Variants in NRXN1 observed in about 807,000 individuals in gnomAD.
NRXN1 encodes the protein neurexin 1, also known as neurexin-1.
A neutral mutation model predicts 150.9 loss-of-function variants in NRXN1; 39 were observed. That is an observed-to-expected ratio of 0.26 (90% CI 0.20 to 0.34). The LOEUF (loss-of-function observed/expected upper bound fraction) is 0.34, where lower values mean the gene tolerates loss of function less well. Ranked by LOEUF, NRXN1 falls within the 10% of genes least tolerant of loss-of-function variation. NRXN1 has a pLI of 1.00. For synonymous variants in NRXN1, 924 were observed against 757.0 expected (o/e 1.22, Z -3.62); for missense variants, 1,815 against 1,949.9 (o/e 0.93, Z 1.30).
At chr2:50,972,825 C>G (rs868852434) in intron 2 of NRXN1, among the ~76,000 whole-genome samples, 1 of 152,128 alleles carries the variant, frequency 6.6e-6, no homozygotes, top group Non-Finnish European at 1.5e-5. Context: ...CAATGGGGAG[C>G]GGCTGTAAAT....
chr2:50,621,137 T>C (rs1679939888), intron 7 of NRXN1, 89 bp downstream of exon 7: 2 of 1,181,224 alleles, frequency 1.7e-6, no homozygotes, highest in Non-Finnish European at 1.2e-6. Flanking sequence ...TAATGATGTC[T>C]ACAGTTAAAA....
At chr2:49,961,279 C>G (rs1439131887) in intron 21 of NRXN1, among the ~76,000 whole-genome samples, 1 of 151,656 alleles carries the variant, frequency 6.6e-6, no homozygotes, top group Non-Finnish European at 1.5e-5. Context: ...CGCATTGTTG[C>G]TTTAACTTTG....
intron 2 of NRXN1, among the ~76,000 whole-genome samples, chr2:50,992,323 C>T (rs890541577): frequency 6.6e-6 from 1 of 151,940 alleles, no homozygotes; most frequent in African/African-American, 2.4e-5. Context: ...TAACCTTGTC[C>T]AAGGTCATAC....
At chr2:50,706,880 A>T (rs947101674) in intron 5 of NRXN1, among the ~76,000 whole-genome samples, 2 of 150,736 alleles carry the variant, frequency 1.3e-5, no homozygotes, top group Non-Finnish European at 2.9e-5. Context: ...TTGACAATTT[A>T]TCCTTCATTG....
intron 17 of NRXN1, among the ~76,000 whole-genome samples, chr2:50,269,963 G>A (rs1012252835): frequency 7.9e-5 from 12 of 152,008 alleles, no homozygotes; most frequent in African/African-American, 2.9e-4. Flanking sequence ...AGCACATTCT[G>A]TTAAAACAAA....
intron 5 of NRXN1, among the ~76,000 whole-genome samples, chr2:50,771,694 G>A (rs958756505): frequency 2.6e-5 from 4 of 152,096 alleles, no homozygotes; most frequent in Admixed American, 1.3e-4. Context: ...GGCATTTTCC[G>A]TGAAGGAAGT....
intron 8 of NRXN1, among the ~76,000 whole-genome samples, chr2:50,613,818 G>A (rs2104132144): frequency 6.6e-6 from 1 of 152,172 alleles, no homozygotes; most frequent in South Asian, 2.1e-4. Context: ...GGCACTTGTA[G>A]TCCCAGCTAC....
chr2:51,011,062 C>T (rs746101252), intron 2 of NRXN1, among the ~76,000 whole-genome samples: 1 of 152,036 alleles, frequency 6.6e-6, no homozygotes, highest in Non-Finnish European at 1.5e-5. Flanking sequence ...GAATGAGCCA[C>T]CCTGCCCAGC....
chr2:50,589,203 G>A (rs1673699566), intron 8 of NRXN1: 1 of 152,434 alleles, frequency 6.6e-6, no homozygotes, highest in Non-Finnish European at 1.5e-5. Context: ...AGGAGGAGTA[G>A]GACTGCTGTG....
chr2:51,021,283 C>T (rs1193421847), intron 2 of NRXN1, among the ~76,000 whole-genome samples: 2 of 151,882 alleles, frequency 1.3e-5, no homozygotes, highest in East Asian at 3.9e-4. Context: ...ACCTGAATAT[C>T]TATTGTAAGG....
chr2:50,913,026 C>A (rs892636732), intron 5 of NRXN1: 2 of 151,788 alleles, frequency 1.3e-5, no homozygotes, highest in African/African-American at 4.8e-5. Context: ...ACTGAAAGTA[C>A]CGATGGGTCA....
chr2:50,177,242 C>G (rs2060410376), intron 18 of NRXN1, among the ~76,000 whole-genome samples: 1 of 152,092 alleles, frequency 6.6e-6, no homozygotes, highest in East Asian at 1.9e-4. Flanking sequence ...TTTTTCAACT[C>G]TCATTCCCCT....
intron 5 of NRXN1, among the ~76,000 whole-genome samples, chr2:50,810,557 T>C (rs1668075723): frequency 6.6e-6 from 1 of 152,160 alleles, no homozygotes; most frequent in Admixed American, 6.5e-5. Context: ...AGTAGCATTA[T>C]TAGGAGAAAT....
chr2:50,848,959 C>T (rs1674106969), intron 5 of NRXN1, among the ~76,000 whole-genome samples: 1 of 152,144 alleles, frequency 6.6e-6, no homozygotes, highest in South Asian at 2.1e-4. Flanking sequence ...CCAGGCGATT[C>T]CCCACATACA....
intron 21 of NRXN1, among the ~76,000 whole-genome samples, chr2:49,963,444 G>C (rs1170019001): frequency 6.6e-6 from 1 of 152,192 alleles, no homozygotes; most frequent in African/African-American, 2.4e-5. Context: ...GAAAAGCTAA[G>C]AAAAGAGTTC....
At chr2:50,445,719 G>C (rs2086342705) in intron 17 of NRXN1, among the ~76,000 whole-genome samples, 1 of 152,190 alleles carries the variant, frequency 6.6e-6, no homozygotes, top group Non-Finnish European at 1.5e-5. Flanking sequence ...CTTAAGCAAT[G>C]ACATATGAAA....
At chr2:50,409,353 C>CAAAAA (rs1340428333) in intron 17 of NRXN1, among the ~76,000 whole-genome samples, 1 of 152,090 alleles carries the variant, frequency 6.6e-6, no homozygotes, top group Non-Finnish European at 1.5e-5. Flanking sequence ...ATAAAGAAAA[C>CAAAAA]AAAACAAAAC....
intron 18 of NRXN1, among the ~76,000 whole-genome samples, chr2:50,208,947 A>C (rs1374846362): frequency 2.0e-5 from 3 of 152,204 alleles, no homozygotes; most frequent in East Asian, 1.9e-4. Flanking sequence ...TGTAATTTCC[A>C]TTTCATATTT....
At chr2:50,126,446 T>C (rs1352812331) in intron 18 of NRXN1, among the ~76,000 whole-genome samples, 1 of 152,058 alleles carries the variant, frequency 6.6e-6, no homozygotes. Flanking sequence ...AGAAAAATAA[T>C]TGGTACTGCT....
Sources: allele counts gnomAD v4.1 joint callset (sites outside exome capture counted in the v4.1 genomes callset), GRCh38; gene constraint gnomAD v4.1.1; transcripts MANE v1.5; gene names NCBI Gene and HGNC (gene_info 2026-07-23, HGNC 2026-07-21).